Variants in TMEM132C observed in about 807,000 individuals in gnomAD.
TMEM132C encodes the protein transmembrane protein 132C.
In TMEM132C, 29 loss-of-function variants were observed where a neutral mutation model predicts 61.4. The observed-to-expected ratio is 0.47, with a 90% confidence interval of 0.35 to 0.64. The LOEUF (loss-of-function observed/expected upper bound fraction) is 0.64, where lower values mean the gene tolerates loss of function less well. Among genes scored for constraint, TMEM132C ranks in the 30% least tolerant of loss-of-function variants. TMEM132C has a pLI of 0.00. For synonymous variants in TMEM132C, 656 were observed against 633.1 expected, an observed-to-expected ratio of 1.04 and a Z score of -0.54; for missense variants, 1,408 against 1,476.9, an observed-to-expected ratio of 0.95 and a Z score of 0.76.
chr12:128,609,636 C>T (rs1347086075), intron 3 of TMEM132C, among the ~76,000 whole-genome samples: 2 of 152,114 alleles, frequency 1.3e-5, no homozygotes, highest in East Asian at 1.9e-4. Flanking sequence ...CTCTTTGCTC[C>T]TCCCTGCTGC....
rs557987623 is a variant in TMEM132C, at chr12:128,413,633, T to C, written c.86-1099T>C. On this transcript the variant is annotated intron_variant, in intron 1 of 8. Coordinates refer to ENST00000435159, the MANE Select transcript of TMEM132C (RefSeq NM_001136103.3). ...GAGTGAGGCTCAATAGTTGTAAATATATATATATAAATAATTTTAATATAT... is the reference window on the plus strand; with the variant it reads ...GAGTGAGGCTCAATAGTTGTAAATACATATATATAAATAATTTTAATATAT... Among the ~76,000 whole-genome samples the C allele has an allele frequency of 1.1e-3, 174 of 151,594 alleles. 1 individual carries two copies. The highest frequency in any genetic ancestry group is 3.7e-3 in the African/African-American group (152 of 41,480).
Position 128,293,808 on chromosome 12 carries a change from C to T in TMEM132C, c.85+26321C>T, listed in dbSNP as rs12580660. 6.8e-3 allele frequency among the ~76,000 whole-genome samples: 1,037 copies of T among 152,248 alleles called. 34 individuals carry two copies. The East Asian group carries it at 0.088, about 13-fold the overall frequency. Reference sequence around the variant, plus strand: ...AAACTGGAGCATATATTTCCCGCATCGTCTCTGTCACCTCCCTGGGTTTTA... The same window carrying T: ...AAACTGGAGCATATATTTCCCGCATTGTCTCTGTCACCTCCCTGGGTTTTA... On this transcript the variant is annotated intron_variant, in intron 1 of 8. Transcript: ENST00000435159.
At chr12:128,583,039 G>T (rs1875404092) in intron 3 of TMEM132C, among the ~76,000 whole-genome samples, 2 of 152,164 alleles carry the variant, frequency 1.3e-5, no homozygotes. Flanking sequence ...GCTGAGAAGA[G>T]AACTCAGAAA....
intron 1 of TMEM132C, among the ~76,000 whole-genome samples, chr12:128,334,950 T>G (rs1872757954): frequency 6.6e-6 from 1 of 152,250 alleles, no homozygotes; most frequent in African/African-American, 2.4e-5. Context: ...CTTTCAATGT[T>G]ACTTTGGCTG....
At chr12:128,682,795 T>C (rs766921119) in intron 5 of TMEM132C, among the ~76,000 whole-genome samples, 1 of 152,212 alleles carries the variant, frequency 6.6e-6, no homozygotes, top group Admixed American at 6.5e-5. Flanking sequence ...CTCACAGCTC[T>C]GGAGGCCAGA....
chr12:128,529,062 C>T (rs967849265), intron 2 of TMEM132C, among the ~76,000 whole-genome samples: 25 of 152,120 alleles, frequency 1.6e-4, no homozygotes, highest in African/African-American at 5.3e-4. Flanking sequence ...GATATCGTCT[C>T]GCCTTGCCCT....
At chr12:128,466,384 A>G (rs1190214091) in intron 2 of TMEM132C, among the ~76,000 whole-genome samples, 2 of 152,224 alleles carry the variant, frequency 1.3e-5, no homozygotes, top group African/African-American at 4.8e-5. Context: ...CATTTTACCA[A>G]TTTAATGGCC....
chr12:128,421,720 GGAAGATGGAACCTTT>G (rs1447242047), intron 2 of TMEM132C, among the ~76,000 whole-genome samples: 1 of 152,180 alleles, frequency 6.6e-6, no homozygotes, highest in Admixed American at 6.5e-5. Flanking sequence ...GTCAAGGTGT[GGAAGATGGAACCTTT>G]GTTTCTTGTA....
chr12:128,485,486 A>G (rs897479060), intron 2 of TMEM132C, among the ~76,000 whole-genome samples: 4 of 151,818 alleles, frequency 2.6e-5, no homozygotes, highest in Non-Finnish European at 5.9e-5. Flanking sequence ...CTCCCATTTA[A>G]CTCTTAAGTG....
intron 3 of TMEM132C, among the ~76,000 whole-genome samples, chr12:128,579,229 G>T (rs188813815): frequency 6.6e-6 from 1 of 152,356 alleles, no homozygotes; most frequent in Non-Finnish European, 1.5e-5. Context: ...ACATGAAGAA[G>T]GCCCTTGCTC....
intron 2 of TMEM132C, among the ~76,000 whole-genome samples, chr12:128,465,585 TG>T (rs1275346549): frequency 3.9e-5 from 6 of 152,172 alleles, no homozygotes; most frequent in African/African-American, 1.4e-4. Flanking sequence ...TCCACCCAGG[TG>T]ACACCAGGAC....
chr12:128,501,519 GAGA>G (rs1018299978), intron 2 of TMEM132C, among the ~76,000 whole-genome samples: 1 of 151,862 alleles, frequency 6.6e-6, no homozygotes, highest in African/African-American at 2.4e-5. Flanking sequence ...ATTGTGTGCT[GAGA>G]AGAAGCATCT....
intron 2 of TMEM132C, among the ~76,000 whole-genome samples, chr12:128,528,210 C>T (rs1873158582): frequency 6.6e-6 from 1 of 152,200 alleles, no homozygotes; most frequent in Non-Finnish European, 1.5e-5. Context: ...GGCCAGCCTC[C>T]AGACTCAGAT....
chr12:128,518,320 G>A (rs895746356), intron 2 of TMEM132C, among the ~76,000 whole-genome samples: 1 of 152,166 alleles, frequency 6.6e-6, no homozygotes, highest in South Asian at 2.1e-4. Context: ...ATTAACCCAC[G>A]AGTTTTATCA....
At chr12:128,541,027 GTCTC>G (rs71449354) in intron 2 of TMEM132C, among the ~76,000 whole-genome samples, 2 of 149,796 alleles carry the variant, frequency 1.3e-5, no homozygotes, top group South Asian at 4.3e-4. Context: ...CTCTTTCTCT[GTCTC>G]TCTCTCTCTC....
intron 1 of TMEM132C, among the ~76,000 whole-genome samples, chr12:128,410,021 T>G (rs1283090011): frequency 6.6e-6 from 1 of 152,196 alleles, no homozygotes; most frequent in Non-Finnish European, 1.5e-5. Flanking sequence ...TGACTCATTA[T>G]TTTTGAGTAA....
chr12:128,506,731 G>T (rs1005143867), intron 2 of TMEM132C, among the ~76,000 whole-genome samples: 1 of 152,130 alleles, frequency 6.6e-6, no homozygotes, highest in African/African-American at 2.4e-5. Context: ...CCATGCTCCT[G>T]TCCTCACCAC....
intron 1 of TMEM132C, among the ~76,000 whole-genome samples, chr12:128,286,082 T>TCTCTC (rs1723061206): frequency 6.7e-6 from 1 of 148,822 alleles, no homozygotes; most frequent in Admixed American, 6.7e-5. Context: ...TCTCTCTCTC[T>TCTCTC]CCCCATCTCT....
chr12:128,450,940 C>A (rs1478848325), intron 2 of TMEM132C, among the ~76,000 whole-genome samples: 1 of 152,050 alleles, frequency 6.6e-6, no homozygotes, highest in East Asian at 1.9e-4. Flanking sequence ...ACTACTTTTT[C>A]TTTTTTTCTT....
Sources: gnomAD v4.1 joint callset for allele counts (sites outside exome capture counted in the v4.1 genomes callset) on GRCh38, gnomAD v4.1.1 for gene constraint, MANE v1.5 for transcripts, NCBI Gene and HGNC (gene_info 2026-07-23, HGNC 2026-07-21) for gene names.